SLC25A48: variants seen among roughly 807,000 people sequenced by gnomAD.
The protein encoded by SLC25A48 is solute carrier family 25 member 48, also known as CTC-321K16.1.
Under a neutral mutation model 32.2 loss-of-function variants are expected in SLC25A48, and 29 were observed. The ratio of observed to expected loss-of-function variants is 0.90; its 90% CI spans 0.67 to 1.23. SLC25A48 has a LOEUF of 1.23. SLC25A48 is among the 50% of genes most tolerant of loss of function. SLC25A48 has a pLI of 0.00. For missense variants in SLC25A48, 399 were observed against 422.7 expected (o/e 0.94, Z 0.49); for synonymous variants, 164 against 172.3 (o/e 0.95, Z 0.38).
At chr5:135,742,603 C>A in intron 3 of SLC25A48, 2 of 918,672 alleles carry the variant, frequency 2.2e-6, no homozygotes, top group Non-Finnish European at 3.4e-6. Flanking sequence ...CAAAGAAAGC[C>A]AAAGTTTAGG....
intron 3 of SLC25A48, among the ~76,000 whole-genome samples, chr5:135,756,275 T>G (rs1387341419): frequency 1.4e-5 from 2 of 146,692 alleles, no homozygotes; most frequent in African/African-American, 4.9e-5. Context: ...CACTATGATA[T>G]TAAGAAAAAT....
rs148886641 is a variant in SLC25A48, at chr5:135,778,015, A to G, written c.-520-34508A>G. Among the ~76,000 whole-genome samples, 786 of 145,024 alleles carry G rather than the reference A, an allele frequency of 5.4e-3. 3 individuals are homozygous for G. The highest frequency in any genetic ancestry group is 0.019 in the African/African-American group (755 of 39,002). ...AGTCCCCTGTGATATTGTTTCTAAT[A>G]TCCAAACGGGGAGAGGCTGATATGT... On this transcript the variant is annotated intron_variant, in intron 3 of 10. Coordinates refer to the SLC25A48 transcript ENST00000646290.
chr5:135,855,329 G>T (rs968713508), intron 4 of SLC25A48, among the ~76,000 whole-genome samples: 5 of 152,144 alleles, frequency 3.3e-5, no homozygotes, highest in Non-Finnish European at 7.4e-5. Flanking sequence ...ATCAAACAAG[G>T]TGTGGTTTTA....
chr5:135,869,765 G>A (rs930671121), intron 4 of SLC25A48, among the ~76,000 whole-genome samples: 1 of 152,186 alleles, frequency 6.6e-6, no homozygotes, highest in African/African-American at 2.4e-5. Context: ...AGGCCATCAT[G>A]TCTGATCTTG....
At position 135,819,257 on chromosome 5, in the gene SLC25A48, G is replaced by T. The variant is rs1394330719; in HGVS notation, c.-117+6331G>T. 7.2e-5 allele frequency among the ~76,000 whole-genome samples: 11 copies of T among 152,040 alleles called. No homozygotes were observed. The East Asian group carries it at 1.3e-3, about 19-fold the overall frequency. ...CTCTGTAAACCCCAGAAAGGATAAG[G>T]TCAATGAAAACCATGCCTAGACACA... On this transcript the variant is annotated intron_variant, in intron 4 of 10. Coordinates refer to the SLC25A48 transcript ENST00000646290.
chr5:135,815,451 A>G (rs749803462), intron 4 of SLC25A48, among the ~76,000 whole-genome samples: 1 of 152,170 alleles, frequency 6.6e-6, no homozygotes, highest in Non-Finnish European at 1.5e-5. Context: ...GCCACAAATC[A>G]GTACCAGTCC....
chr5:135,814,816 C>T (rs1757675977), intron 4 of SLC25A48, among the ~76,000 whole-genome samples: 1 of 152,232 alleles, frequency 6.6e-6, no homozygotes, highest in East Asian at 1.9e-4. Context: ...GACAAGTCAT[C>T]GTTTGTCTCA....
chr5:135,622,179 C>A (rs568370772), intron 1 of SLC25A48, among the ~76,000 whole-genome samples: 191 of 152,196 alleles, frequency 1.3e-3, no homozygotes, highest in Middle Eastern at 3.4e-3. Context: ...TTAGAAGATC[C>A]AGTGATACTG....
At chr5:135,841,315 C>T (rs1329729410) in intron 1 of SLC25A48, among the ~76,000 whole-genome samples, 9 of 152,162 alleles carry the variant, frequency 5.9e-5, no homozygotes, top group South Asian at 2.1e-4. Flanking sequence ...TTATCAAATA[C>T]GTGATTTCCA....
At chr5:135,654,067 G>C (rs1252022962) in intron 3 of SLC25A48, 9 of 370,678 alleles carry the variant, frequency 2.4e-5, no homozygotes, top group Non-Finnish European at 3.7e-5. Context: ...AGCCACCAGT[G>C]GGACCCAATT....
chr5:135,635,974 T>A (rs1752694299), intron 3 of SLC25A48, among the ~76,000 whole-genome samples: 2 of 152,200 alleles, frequency 1.3e-5, no homozygotes, highest in South Asian at 4.1e-4. Context: ...AGTCTGTCAT[T>A]CTTTCCTATT....
intron 3 of SLC25A48, among the ~76,000 whole-genome samples, chr5:135,697,842 C>G (rs922347495): frequency 6.6e-6 from 1 of 152,152 alleles, no homozygotes; most frequent in Non-Finnish European, 1.5e-5. Flanking sequence ...CAGGGTTAGG[C>G]TCTCAAAAAC....
chr5:135,603,569 G>A (rs900042491), intron 1 of SLC25A48, among the ~76,000 whole-genome samples: 1 of 152,186 alleles, frequency 6.6e-6, no homozygotes, highest in Non-Finnish European at 1.5e-5. Context: ...TGGTGGTGGG[G>A]GGGTGCGAGC....
chr5:135,861,488 A>C (rs1182024987), intron 4 of SLC25A48, among the ~76,000 whole-genome samples: 1 of 152,246 alleles, frequency 6.6e-6, no homozygotes, highest in African/African-American at 2.4e-5. Flanking sequence ...AAGCAGGCAT[A>C]ACTATAGTAG....
At chr5:135,631,350 T>C (rs1752565128) in intron 2 of SLC25A48, among the ~76,000 whole-genome samples, 1 of 152,208 alleles carries the variant, frequency 6.6e-6, no homozygotes, top group Non-Finnish European at 1.5e-5. Flanking sequence ...GGAAGTGGGC[T>C]CAGAGTGCGC....
chr5:135,852,388 GA>G (rs1413747508), intron 3 of SLC25A48, among the ~76,000 whole-genome samples, 174 bp from the exon 4 acceptor site: 2 of 152,214 alleles, frequency 1.3e-5, no homozygotes, highest in African/African-American at 2.4e-5. Flanking sequence ...CTCGGAGCAA[GA>G]ATGCCTGCCC....
chr5:135,854,093 A>G (rs1196382546), intron 4 of SLC25A48, among the ~76,000 whole-genome samples: 1 of 152,204 alleles, frequency 6.6e-6, no homozygotes, highest in African/African-American at 2.4e-5. Context: ...CAGCGGACCT[A>G]AAATACTCAG....
At chr5:135,726,090 C>T (rs924153078) in intron 3 of SLC25A48, among the ~76,000 whole-genome samples, 6 of 152,208 alleles carry the variant, frequency 3.9e-5, no homozygotes, top group African/African-American at 1.4e-4. Flanking sequence ...GTGTGCACCA[C>T]ACTTACGACT....
intron 7 of SLC25A48, among the ~76,000 whole-genome samples, chr5:135,881,304 C>G (rs1437686760): frequency 1.3e-5 from 2 of 152,252 alleles, no homozygotes; most frequent in African/African-American, 4.8e-5. Flanking sequence ...ACTGCTGCCT[C>G]CCCCGTGAGC....
Sources: gnomAD v4.1 joint callset for allele counts (sites outside exome capture counted in the v4.1 genomes callset) on GRCh38, gnomAD v4.1.1 for gene constraint, MANE v1.5 for transcripts, NCBI Gene and HGNC (gene_info 2026-07-23, HGNC 2026-07-21) for gene names.